KLF12: variants seen among roughly 807,000 people sequenced by gnomAD.
KLF12 encodes the protein KLF transcription factor 12.
KLF12 carries 9 observed loss-of-function variants against 37.8 expected under a neutral mutation model. That is an observed-to-expected ratio of 0.24 (90% confidence interval 0.14 to 0.42). The LOEUF is 0.42. Among genes scored for constraint, KLF12 ranks in the 10% least tolerant of loss-of-function variants. The probability of loss-of-function intolerance (pLI) is 1.00; values close to 1 mark genes in which losing one functional copy is unlikely to be tolerated. For synonymous variants in KLF12, 208 were observed against 202.1 expected (o/e 1.03, Z -0.25); for missense variants, 411 against 516.0 (o/e 0.80, Z 1.97).
upstream of KLF12, among the ~76,000 whole-genome samples, chr13:74,136,508 G>A (rs1216453688): frequency 6.6e-6 from 1 of 152,204 alleles, no homozygotes; most frequent in Non-Finnish European, 1.5e-5. Flanking sequence ...AGGGTGGAAG[G>A]ATGCTGTAAG....
the KLF12 span, among the ~76,000 whole-genome samples, chr13:74,267,099 T>C: frequency 1.3e-5 from 2 of 152,200 alleles, no homozygotes; most frequent in African/African-American, 4.8e-5. Context: ...AATGATCTCA[T>C]GAATTATGTA....
intron 1 of KLF12, among the ~76,000 whole-genome samples, chr13:74,100,409 A>G (rs1347104664): frequency 1.3e-5 from 2 of 152,140 alleles, no homozygotes; most frequent in Non-Finnish European, 2.9e-5. Context: ...CTTGAGGTCA[A>G]GCATTCAAGG....
intron 6 of KLF12, among the ~76,000 whole-genome samples, chr13:73,737,052 C>G (rs899221407): frequency 6.6e-6 from 1 of 152,116 alleles, no homozygotes; most frequent in Non-Finnish European, 1.5e-5. Flanking sequence ...ATTTCTCTCC[C>G]TACTTTCCAA....
At chr13:74,148,403 CTTTTTTTTTT>C in the KLF12 span, among the ~76,000 whole-genome samples, 4 of 73,498 alleles carry the variant, frequency 5.4e-5, no homozygotes, top group African/African-American at 2.2e-4. Flanking sequence ...CAAAACTGCT[CTTTTTTTTTT>C]TTTTTTTTTT....
intron 5 of KLF12, among the ~76,000 whole-genome samples, chr13:73,778,112 T>A (rs1344381807): frequency 6.9e-6 from 1 of 145,172 alleles, no homozygotes; most frequent in Non-Finnish European, 1.5e-5. Context: ...CCAGCCTGGG[T>A]GACAAGAGGG....
the KLF12 span, among the ~76,000 whole-genome samples, chr13:74,297,911 A>C: frequency 6.6e-6 from 1 of 152,162 alleles, no homozygotes; most frequent in African/African-American, 2.4e-5. Flanking sequence ...GAATTCATTG[A>C]GGAAAATGGG....
At chr13:74,128,428 T>C (rs551679766) in intron 1 of KLF12, among the ~76,000 whole-genome samples, 15 of 152,294 alleles carry the variant, frequency 9.8e-5, no homozygotes, top group African/African-American at 4.8e-5. Context: ...ACAAGAACTT[T>C]GTAGTTTTAC....
chr13:73,781,603 T>C (rs904074522), intron 5 of KLF12, among the ~76,000 whole-genome samples: 1 of 152,244 alleles, frequency 6.6e-6, no homozygotes, highest in African/African-American at 2.4e-5. Flanking sequence ...AATACAGATG[T>C]TATGCAAAAT....
chr13:74,116,981 T>C (rs559796177), intron 1 of KLF12, among the ~76,000 whole-genome samples: 2 of 152,322 alleles, frequency 1.3e-5, no homozygotes, highest in South Asian at 4.1e-4. Flanking sequence ...CTATTTTCTC[T>C]ACTCTTATCG....
At chr13:74,083,970 G>C (rs1203470903) in intron 1 of KLF12, among the ~76,000 whole-genome samples, 2 of 152,162 alleles carry the variant, frequency 1.3e-5, no homozygotes, top group Non-Finnish European at 2.9e-5. Context: ...GTGAGATAGG[G>C]AATGGCAGAT....
intron 3 of KLF12, among the ~76,000 whole-genome samples, chr13:73,899,580 A>G (rs747053625): frequency 5.9e-5 from 9 of 152,168 alleles, no homozygotes; most frequent in Admixed American, 3.3e-4. Flanking sequence ...GGGTGTTTCC[A>G]TGAAAGACTG....
the KLF12 span, among the ~76,000 whole-genome samples, chr13:74,198,369 GCA>G: frequency 6.6e-6 from 1 of 152,062 alleles, no homozygotes; most frequent in Non-Finnish European, 1.5e-5. Flanking sequence ...CCCTTCCTGG[GCA>G]CTACCTGGGA....
intron 4 of KLF12, among the ~76,000 whole-genome samples, chr13:73,836,322 G>C (rs1007198569): frequency 2.6e-4 from 39 of 152,132 alleles, no homozygotes; most frequent in African/African-American, 9.4e-4. Flanking sequence ...ACATAGTCTG[G>C]AACAGAAAAA....
chr13:73,779,670 T>G (rs1348832912), intron 5 of KLF12, among the ~76,000 whole-genome samples: 1 of 152,220 alleles, frequency 6.6e-6, no homozygotes, highest in African/African-American at 2.4e-5. Flanking sequence ...AAGTTCTAGT[T>G]AGACAGACAA....
At chr13:74,180,127 G>A in the KLF12 span, among the ~76,000 whole-genome samples, 26 of 152,208 alleles carry the variant, frequency 1.7e-4, no homozygotes, top group East Asian at 9.6e-4. Context: ...TGGAGCTATC[G>A]TGCAATGCAT....
rs376461308 is a variant in KLF12 at position 73,954,174 on chromosome 13, T to G, written c.34-10104A>C. Among the ~76,000 whole-genome samples the G allele has an allele frequency of 2.0e-5, 3 of 151,766 alleles. No homozygotes were observed. In the East Asian group the frequency reaches 5.8e-4, roughly 29 times the overall value. ...TTTGTATTTTTAGTAGAGGCGGGGT[T>G]TCACCATGTTAGCCAGGATGGTCTC... On this transcript the variant is annotated intron_variant, in intron 2 of 7. Transcript: ENST00000377669.
upstream of KLF12, among the ~76,000 whole-genome samples, chr13:74,135,505 C>T (rs1023179882): frequency 1.3e-5 from 2 of 151,528 alleles, no homozygotes; most frequent in African/African-American, 4.8e-5. Flanking sequence ...CCGGGCGGCC[C>T]TGCAGTTCCC....
the KLF12 span, among the ~76,000 whole-genome samples, chr13:74,219,495 A>T: frequency 6.6e-6 from 1 of 152,210 alleles, no homozygotes; most frequent in Non-Finnish European, 1.5e-5. Flanking sequence ...CAATTCATAT[A>T]CCTTGTATGT....
At chr13:74,075,009 A>T (rs1183127928) in intron 1 of KLF12, among the ~76,000 whole-genome samples, 1 of 152,194 alleles carries the variant, frequency 6.6e-6, no homozygotes, top group Non-Finnish European at 1.5e-5. Flanking sequence ...TGCCAACTCA[A>T]ATGTAAGAAG....
Sources: gnomAD v4.1 joint callset for allele counts (sites outside exome capture counted in the v4.1 genomes callset) on GRCh38, gnomAD v4.1.1 for gene constraint, MANE v1.5 for transcripts, NCBI Gene and HGNC (gene_info 2026-07-23, HGNC 2026-07-21) for gene names.